Variants in MPP4 observed in about 807,000 individuals in gnomAD.
MPP4 encodes MAGUK p55 scaffold protein 4, also known as MAGUK p55 subfamily member 4.
MPP4 carries 91 observed loss-of-function variants against 98.3 expected under a neutral mutation model. The observed-to-expected ratio is 0.93, with a 90% confidence interval of 0.78 to 1.10. The LOEUF (loss-of-function observed/expected upper bound fraction) is 1.10, where lower values mean the gene tolerates loss of function less well. Ranked by LOEUF, MPP4 falls within the 50% of genes least tolerant of loss-of-function variation. MPP4 has a pLI of 0.00. For synonymous variants in MPP4, 261 were observed against 271.8 expected, an observed-to-expected ratio of 0.96 and a Z score of 0.39; for missense variants, 744 against 792.9, an observed-to-expected ratio of 0.94 and a Z score of 0.74.
intron 18 of MPP4, among the ~76,000 whole-genome samples, chr2:201,654,549 A>T (rs1381380102): frequency 5.9e-5 from 9 of 152,294 alleles, no homozygotes; most frequent in Non-Finnish European, 1.0e-4. Context: ...GCAGCACACC[A>T]ACATGGCATA....
chr2:201,660,205 A>T (rs1167684313), intron 15 of MPP4, 127 bp downstream of exon 15: 5 of 914,586 alleles, frequency 5.5e-6, no homozygotes, highest in Non-Finnish European at 8.5e-6. Flanking sequence ...ATGAGGGGAA[A>T]ACCATAAACA....
chr2:201,690,149 G>A (rs1688967018), intron 4 of MPP4, 53 bp downstream of exon 4: 4 of 1,240,106 alleles, frequency 3.2e-6, no homozygotes, highest in African/African-American at 1.5e-5. Context: ...GCAATGTGGG[G>A]AAAATGGCAC....
chr2:201,659,378 G>A (rs1485819859), intron 15 of MPP4, among the ~76,000 whole-genome samples: 1 of 152,126 alleles, frequency 6.6e-6, no homozygotes. Context: ...GGAAAACTGT[G>A]CCCACTGCCT....
intron 14 of MPP4, among the ~76,000 whole-genome samples, chr2:201,661,132 G>A (rs1176026572): frequency 6.6e-6 from 1 of 151,418 alleles, no homozygotes; most frequent in Non-Finnish European, 1.5e-5. Context: ...TGTTGGCCAG[G>A]CTGGTCTCGA....
chr2:201,687,617 A>AC (rs1688876690), intron 4 of MPP4, among the ~76,000 whole-genome samples: 2 of 152,224 alleles, frequency 1.3e-5, no homozygotes, highest in African/African-American at 4.8e-5. Flanking sequence ...CCCAATGCCC[A>AC]ATCCTGGCAC....
rs1040477461 is a variant in MPP4, at chr2:201,652,094, A to T, written c.1382-1929T>A. The T allele has an allele frequency of 5.9e-5, 46 of 783,916 alleles. No individual in the cohort carries two copies. The African/African-American group carries it at 8.6e-4, about 15-fold the overall frequency. The allele number at this position is 783,916 out of a possible 1,614,324, so 48.6% of individuals were successfully genotyped here. On this transcript the variant is annotated intron_variant, in intron 18 of 21. Coordinates refer to ENST00000409474, the MANE Select transcript of MPP4 (RefSeq NM_033066.3). The stretch of plus-strand genomic sequence containing the variant: ...AAAGCACAGCCTATAGCATGCGATC[A>T]TAAAGCAACTTCTTGGTCTCCCACA...
intron 11 of MPP4, among the ~76,000 whole-genome samples, chr2:201,671,719 C>A (rs1393070770): frequency 6.6e-6 from 1 of 152,128 alleles, no homozygotes; most frequent in Non-Finnish European, 1.5e-5. Context: ...AATATATATG[C>A]ACCGAATAGA....
intron 11 of MPP4, among the ~76,000 whole-genome samples, chr2:201,671,185 C>A (rs913200343): frequency 6.6e-6 from 1 of 151,952 alleles, no homozygotes; most frequent in Non-Finnish European, 1.5e-5. Context: ...TTTTTTCATA[C>A]CCCAGTGGCG....
intron 11 of MPP4, among the ~76,000 whole-genome samples, chr2:201,672,725 C>A (rs1559011425): frequency 6.6e-6 from 1 of 152,110 alleles, no homozygotes; most frequent in Non-Finnish European, 1.5e-5. Context: ...CCTGAATAGA[C>A]CAATAACAAG....
At chr2:201,666,150 G>A (rs777691742) in intron 13 of MPP4, 184 bp downstream of exon 13, 42 of 490,796 alleles carry the variant, frequency 8.6e-5, no homozygotes, top group Non-Finnish European at 1.4e-4. Flanking sequence ...GGAACCTGGA[G>A]ACATTACCAC....
intron 20 of MPP4, 92 bp from the exon 21 acceptor site, chr2:201,647,917 G>T: frequency 8.0e-7 from 1 of 1,254,954 alleles, no homozygotes; most frequent in Non-Finnish European, 1.1e-6. Context: ...GTGCTGTGGT[G>T]CAATCACAGT....
In MPP4 at chr2:201,681,551, G is replaced by A; in HGVS notation, c.677C>T (p.Thr226Ile). The A allele has an allele frequency of 1.9e-6, 3 of 1,613,616 alleles. No individual in the cohort carries two copies. The highest frequency in any genetic ancestry group is 1.1e-5 in the South Asian group (1 of 91,012). ...VIHILAMSRG[T>I]IMFKVVPVSD... ...GACTGGAACCACCTTGAACATGATT[G>A]TGCCTCGAGACATGGCCTGGAAAAT... The change falls in exon 9 of 22, where the codon ACA (threonine) becomes ATA (isoleucine). Residue 226 changes from threonine to isoleucine, a missense_variant. Thr to Ile is a moderately conservative substitution (Grantham distance 89). Coordinates refer to ENST00000409474, the MANE Select transcript of MPP4 (RefSeq NM_033066.3).
In MPP4 at chr2:201,654,957, G is replaced by T. The variant is rs1278423729; in HGVS notation, c.1301-40C>A. On this transcript the variant is annotated intron_variant, in intron 17 of 21. Coordinates refer to ENST00000409474, the MANE Select transcript of MPP4 (RefSeq NM_033066.3). Reference sequence around the variant, plus strand: ...TCACACACAGAAATCATCAGATGTGGATAAATATAATTATGTGATGGAATT... The same window carrying T: ...TCACACACAGAAATCATCAGATGTGTATAAATATAATTATGTGATGGAATT... 5.4e-6 allele frequency: 7 copies of T among 1,302,186 alleles called. No homozygotes were observed. In the South Asian group the frequency reaches 8.1e-5, roughly 15 times the overall value. The allele number at this position is 1,302,186 out of a possible 1,614,324, so 80.7% of individuals were successfully genotyped here.
In MPP4 at chr2:201,647,805, G is replaced by T. The variant is rs1687607820; in HGVS notation, c.1605C>A (p.Thr535=). Residue 535 remains threonine (T), a synonymous_variant, in exon 21 of 22, where the codon ACC becomes ACA. Transcript: ENST00000409474. ...LEPQDIQGVR[T]HELKPYVIFI... is the part of the protein sequence containing the mutation. The stretch of plus-strand genomic sequence containing the variant: ...ATATGACATAGGGCTTCAGTTCATG[G>T]GTTCGAACCCCTTGAATATCCTACA... 3 of 1,613,038 alleles carry T rather than the reference G, an allele frequency of 1.9e-6. No individual in the cohort carries two copies. Among genetic ancestry groups the T allele is most frequent in the Non-Finnish European group, 2.5e-6 (3 of 1,179,334 alleles).
At chr2:201,675,453 G>T (rs1688483143) in intron 10 of MPP4, among the ~76,000 whole-genome samples, 182 bp from the exon 11 acceptor site, 1 of 152,158 alleles carries the variant, frequency 6.6e-6, no homozygotes, top group African/African-American at 2.4e-5. Flanking sequence ...CAAACATATA[G>T]GCTCTCTCAT....
At chr2:201,666,402 G>A in intron 12 of MPP4, 30 bp from the exon 13 acceptor site, 1 of 1,509,328 alleles carries the variant, frequency 6.6e-7, no homozygotes, top group Non-Finnish European at 8.9e-7. Context: ...GGGAGAAACA[G>A]AATTTAAAAT....
intron 12 of MPP4, among the ~76,000 whole-genome samples, chr2:201,666,968 GA>G (rs1688199973): frequency 1.3e-5 from 2 of 152,092 alleles, no homozygotes; most frequent in South Asian, 4.1e-4. Flanking sequence ...ATAGGCTTTT[GA>G]ATGCTGCACA....
chr2:201,683,682 G>T (rs1451331378), intron 7 of MPP4, among the ~76,000 whole-genome samples: 2 of 151,726 alleles, frequency 1.3e-5, no homozygotes, highest in African/African-American at 2.4e-5. Flanking sequence ...AACTCGGGAG[G>T]CAGAGGTTGC....
intron 6 of MPP4, among the ~76,000 whole-genome samples, chr2:201,685,614 T>C (rs944051035): frequency 6.6e-6 from 1 of 152,246 alleles, no homozygotes; most frequent in African/African-American, 2.4e-5. Flanking sequence ...GGGAAATACA[T>C]GCATAGGTCA....
Sources: gnomAD v4.1 joint callset for allele counts (sites outside exome capture counted in the v4.1 genomes callset) on GRCh38, gnomAD v4.1.1 for gene constraint, MANE v1.5 for transcripts, NCBI Gene and HGNC (gene_info 2026-07-23, HGNC 2026-07-21) for gene names.